CWF19L2: variants seen among roughly 807,000 people sequenced by gnomAD.
CWF19L2 encodes CWF19-like protein 2.
A neutral mutation model predicts 111.7 loss-of-function variants in CWF19L2; 98 were observed. The observed-to-expected ratio is 0.88, with a 90% CI of 0.75 to 1.04. CWF19L2 has a LOEUF of 1.04. Among genes scored for constraint, CWF19L2 ranks in the 50% least tolerant of loss-of-function variants. The probability of loss-of-function intolerance (pLI) is 0.00; values close to 1 mark genes in which losing one functional copy is unlikely to be tolerated. For synonymous variants in CWF19L2, 351 were observed against 342.9 expected (o/e 1.02, Z -0.26); for missense variants, 1,101 against 1,051.4 (o/e 1.05, Z -0.65).
intron 5 of CWF19L2, 47 bp from the exon 6 acceptor site, chr11:107,439,230 T>C (rs971912314): frequency 2.8e-6 from 3 of 1,082,290 alleles, no homozygotes; most frequent in Admixed American, 4.4e-5. Context: ...AATTAACAAA[T>C]TATAAAAAAT....
intron 3 of CWF19L2, among the ~76,000 whole-genome samples, chr11:107,443,996 T>C (rs116349795): frequency 3.6e-3 from 543 of 152,304 alleles, no homozygotes; most frequent in African/African-American, 0.012. Flanking sequence ...GATAACTCTT[T>C]CTGTTCCTCC....
chr11:107,389,947 AC>A (rs1414350192), intron 12 of CWF19L2, 126 bp downstream of exon 12: 1 of 784,578 alleles, frequency 1.3e-6, no homozygotes, highest in African/African-American at 1.8e-5. Flanking sequence ...AATAAGTCTT[AC>A]AAAGGATTTA....
intron 10 of CWF19L2, among the ~76,000 whole-genome samples, chr11:107,409,275 C>T (rs1861124864): frequency 6.6e-6 from 1 of 151,960 alleles, no homozygotes; most frequent in African/African-American, 2.4e-5. Flanking sequence ...TAGTCAAGTA[C>T]CTGATTTATA....
intron 6 of CWF19L2, among the ~76,000 whole-genome samples, chr11:107,436,605 C>A (rs1341503730): frequency 6.6e-6 from 1 of 152,122 alleles, no homozygotes; most frequent in East Asian, 1.9e-4. Flanking sequence ...AACCACCTTT[C>A]AAAGTCTTTT....
At chr11:107,333,084 T>G (rs1565241228) in intron 16 of CWF19L2, among the ~76,000 whole-genome samples, 1 of 80,720 alleles carries the variant, frequency 1.2e-5, no homozygotes, top group African/African-American at 6.0e-5. Context: ...AGCTAGACTC[T>G]GTCTAAAAAA....
chr11:107,440,304 C>T (rs1048691121), intron 5 of CWF19L2, among the ~76,000 whole-genome samples: 1 of 152,080 alleles, frequency 6.6e-6, no homozygotes, highest in Non-Finnish European at 1.5e-5. Context: ...TCCAGGAATA[C>T]AATATACTAC....
chr11:107,398,658 C>A (rs1860957516), intron 10 of CWF19L2, among the ~76,000 whole-genome samples: 1 of 152,184 alleles, frequency 6.6e-6, no homozygotes, highest in South Asian at 2.1e-4. Flanking sequence ...GAGACGTAGA[C>A]AGCCAAATAC....
intron 8 of CWF19L2, among the ~76,000 whole-genome samples, chr11:107,420,421 A>G (rs543586088): frequency 6.6e-6 from 1 of 152,266 alleles, no homozygotes; most frequent in East Asian, 1.9e-4. Context: ...ACCAGGGACA[A>G]AGAACGTCAT....
intron 8 of CWF19L2, among the ~76,000 whole-genome samples, chr11:107,421,226 A>G (rs1229108916): frequency 6.6e-6 from 1 of 152,138 alleles, no homozygotes; most frequent in Non-Finnish European, 1.5e-5. Flanking sequence ...CCAAAGGAAA[A>G]TTATATGACA....
At chr11:107,332,871 C>T (rs958189653) in intron 16 of CWF19L2, among the ~76,000 whole-genome samples, 1 of 152,064 alleles carries the variant, frequency 6.6e-6, no homozygotes, top group African/African-American at 2.4e-5. Flanking sequence ...CCTGTATTCC[C>T]AGCACTTTGG....
intron 8 of CWF19L2, among the ~76,000 whole-genome samples, chr11:107,423,440 C>G (rs995424551): frequency 6.6e-6 from 1 of 151,920 alleles, no homozygotes; most frequent in Non-Finnish European, 1.5e-5. Flanking sequence ...TGCAATTATT[C>G]CCCTATGAAG....
intron 12 of CWF19L2, among the ~76,000 whole-genome samples, chr11:107,387,416 A>C (rs1460212186): frequency 2.0e-5 from 3 of 151,962 alleles, no homozygotes; most frequent in Admixed American, 1.3e-4. Context: ...GTCAAAATAT[A>C]AACCAAATCA....
chr11:107,341,822 T>C (rs905034923), intron 14 of CWF19L2, among the ~76,000 whole-genome samples: 1 of 152,148 alleles, frequency 6.6e-6, no homozygotes, highest in Non-Finnish European at 1.5e-5. Flanking sequence ...TGTAACAGTT[T>C]GCATTTCAAG....
At chr11:107,389,006 A>G (rs946835109) in intron 12 of CWF19L2, among the ~76,000 whole-genome samples, 1 of 152,260 alleles carries the variant, frequency 6.6e-6, no homozygotes, top group African/African-American at 2.4e-5. Flanking sequence ...CCTCTTCCCC[A>G]ACACAACATA....
intron 8 of CWF19L2, among the ~76,000 whole-genome samples, chr11:107,420,325 G>C (rs1459273134): frequency 6.6e-6 from 1 of 152,042 alleles, no homozygotes; most frequent in Non-Finnish European, 1.5e-5. Flanking sequence ...GATAGAAAAA[G>C]ATATACCATG....
At chr11:107,363,459 C>T (rs1277506857) in intron 12 of CWF19L2, among the ~76,000 whole-genome samples, 1 of 151,962 alleles carries the variant, frequency 6.6e-6, no homozygotes, top group Non-Finnish European at 1.5e-5. Context: ...GCCCATCAGA[C>T]TACCAGCGGA....
chr11:107,361,696 T>C (rs2134557650), intron 12 of CWF19L2, among the ~76,000 whole-genome samples: 1 of 152,328 alleles, frequency 6.6e-6, no homozygotes, highest in African/African-American at 2.4e-5. Flanking sequence ...TTCACCTCCT[T>C]GGTTAAATAT....
intron 11 of CWF19L2, among the ~76,000 whole-genome samples, chr11:107,391,146 C>G (rs763242385): frequency 1.4e-4 from 22 of 152,306 alleles, no homozygotes; most frequent in Admixed American, 2.6e-4. Flanking sequence ...GACTGGCTTC[C>G]TTGCTCCTCA....
chr11:107,454,630 T>C (rs1861828042), intron 2 of CWF19L2, 58 bp from the exon 3 acceptor site: 3 of 1,195,722 alleles, frequency 2.5e-6, no homozygotes, highest in South Asian at 3.0e-5. Context: ...TTTAAAAGGA[T>C]GTATTCTGAG....
Sources: allele counts gnomAD v4.1 joint callset (sites outside exome capture counted in the v4.1 genomes callset), GRCh38; gene constraint gnomAD v4.1.1; transcripts MANE v1.5; gene names NCBI Gene and HGNC (gene_info 2026-07-23, HGNC 2026-07-21).